NEBL: variants seen among roughly 807,000 people sequenced by gnomAD.
The protein encoded by NEBL is nebulette.
A neutral mutation model predicts 140.2 loss-of-function variants in NEBL; 122 were observed. That is an observed-to-expected ratio of 0.87 (90% confidence interval 0.75 to 1.01). The LOEUF (loss-of-function observed/expected upper bound fraction) is 1.01, where lower values mean the gene tolerates loss of function less well. Ranked by LOEUF, NEBL falls within the 50% of genes least tolerant of loss-of-function variation. NEBL has a pLI of 0.00. For synonymous variants in NEBL, 436 were observed against 398.9 expected, an observed-to-expected ratio of 1.09 and a Z score of -1.11; for missense variants, 1,365 against 1,231.3, an observed-to-expected ratio of 1.11 and a Z score of -1.62.
In NEBL at chr10:20,832,140, A is replaced by T. The variant is rs532313872; in HGVS notation, c.1450-557T>A. On this transcript the variant is annotated intron_variant, in intron 14 of 27. Coordinates refer to ENST00000377122, the MANE Select transcript of NEBL (RefSeq NM_006393.3). ...CACTGGCTCTCTGATTTGCCACTGGACAAGTCAATGTTCCCCACTCCTAAA... is the reference window on the plus strand; with the variant it reads ...CACTGGCTCTCTGATTTGCCACTGGTCAAGTCAATGTTCCCCACTCCTAAA... Among the ~76,000 whole-genome samples, 465 of 152,288 alleles carry T rather than the reference A, an allele frequency of 3.1e-3. 2 individuals are homozygous for T. Among genetic ancestry groups the T allele is most frequent in the African/African-American group, 9.0e-3 (373 of 41,560 alleles).
intron 2 of NEBL, among the ~76,000 whole-genome samples, chr10:21,065,109 C>CA (rs1407405508): frequency 2.0e-5 from 3 of 151,766 alleles, no homozygotes; most frequent in Admixed American, 6.6e-5. Flanking sequence ...GATAGCATTG[C>CA]AAAAAAAGAT....
At chr10:20,975,073 C>T (rs1836733171) in intron 3 of NEBL, among the ~76,000 whole-genome samples, 1 of 152,158 alleles carries the variant, frequency 6.6e-6, no homozygotes, top group Non-Finnish European at 1.5e-5. Context: ...CCTGAACACA[C>T]TAACGGGCTC....
chr10:21,039,767 T>TTTTTCTATTTTATTCTA (rs1405807334), intron 2 of NEBL, among the ~76,000 whole-genome samples: 2 of 152,194 alleles, frequency 1.3e-5, no homozygotes, highest in African/African-American at 2.4e-5. Context: ...GCCCTTTAAC[T>TTTTTCTATTTTATTCTA]TTTTCTATTT....
intron 1 of NEBL, among the ~76,000 whole-genome samples, chr10:21,266,812 G>A (rs1477096536): frequency 6.6e-6 from 1 of 152,054 alleles, no homozygotes; most frequent in Non-Finnish European, 1.5e-5. Flanking sequence ...GAGTCTCACT[G>A]TGTCACTCAG....
At position 21,146,399 on chromosome 10, in the gene NEBL, A is replaced by G. The variant is rs758681083; in HGVS notation, c.164+25984T>C. 5.6e-6 allele frequency: 9 copies of G among 1,606,776 alleles called. 1 individual carries two copies. The South Asian group carries it at 1.0e-4, about 18-fold the overall frequency. On this transcript the variant is annotated intron_variant, in intron 2 of 6. Coordinates refer to the NEBL transcript ENST00000417816. Reference sequence around the variant, plus strand: ...ACAAGAAAAAAATGACTGGTTGATTAGTAAAGCACAAACACTCTCTCTCAT... The same window carrying G: ...ACAAGAAAAAAATGACTGGTTGATTGGTAAAGCACAAACACTCTCTCTCAT...
intron 3 of NEBL, among the ~76,000 whole-genome samples, chr10:21,239,678 T>C (rs1842410911): frequency 6.6e-6 from 1 of 152,122 alleles, no homozygotes; most frequent in Non-Finnish European, 1.5e-5. Flanking sequence ...GCAAATGTGA[T>C]CTTAGCCAGC....
chr10:21,138,306 G>T (rs565861074), intron 2 of NEBL, among the ~76,000 whole-genome samples: 1 of 152,110 alleles, frequency 6.6e-6, no homozygotes, highest in Non-Finnish European at 1.5e-5. Flanking sequence ...GAGGTGGAGC[G>T]GAATGATGGC....
At chr10:21,030,811 T>C (rs961333642) in intron 2 of NEBL, 1 of 357,708 alleles carries the variant, frequency 2.8e-6, no homozygotes, top group African/African-American at 2.1e-5. Context: ...AATACGGAAT[T>C]TGTGACAATG....
At chr10:20,854,633 T>C (rs80050390) in intron 9 of NEBL, among the ~76,000 whole-genome samples, 1 of 145,072 alleles carries the variant, frequency 6.9e-6, no homozygotes, top group Non-Finnish European at 1.5e-5. Flanking sequence ...GGAGGGATCA[T>C]GGCTCACTGC....
intron 27 of NEBL, among the ~76,000 whole-genome samples, chr10:20,786,150 G>A (rs149920825): frequency 1.3e-5 from 2 of 152,188 alleles, no homozygotes; most frequent in East Asian, 1.9e-4. Context: ...CACTAAATAC[G>A]ACAGGTAGCC....
At chr10:20,954,413 G>T (rs966807099) in intron 4 of NEBL, among the ~76,000 whole-genome samples, 1 of 152,228 alleles carries the variant, frequency 6.6e-6, no homozygotes, top group Non-Finnish European at 1.5e-5. Flanking sequence ...ATAGAGTTCA[G>T]TCTGAGGGTA....
chr10:20,995,710 A>G (rs1837641083), intron 3 of NEBL, among the ~76,000 whole-genome samples: 1 of 152,110 alleles, frequency 6.6e-6, no homozygotes, highest in South Asian at 2.1e-4. Flanking sequence ...TAAATTTCCA[A>G]AACCTACTTT....
chr10:20,844,354 T>C (rs2130998858), intron 12 of NEBL, among the ~76,000 whole-genome samples: 1 of 151,180 alleles, frequency 6.6e-6, no homozygotes, highest in African/African-American at 2.4e-5. Flanking sequence ...ACATTCCGTT[T>C]ATATATCATA....
chr10:20,935,922 T>A (rs1332904819), intron 4 of NEBL, among the ~76,000 whole-genome samples: 1 of 152,194 alleles, frequency 6.6e-6, no homozygotes, highest in Non-Finnish European at 1.5e-5. Flanking sequence ...ATTGCAGCAC[T>A]ATTTAATAAA....
chr10:20,792,123 G>GAAAAAAAAAAAAAAAAAAAAAAAAAAAAA (rs11286684), intron 26 of NEBL, among the ~76,000 whole-genome samples: 1 of 106,754 alleles, frequency 9.4e-6, no homozygotes, highest in African/African-American at 3.1e-5. Context: ...ATTCCAAATA[G>GAAAAAAAAAAAAAAAAAAAAAAAAAAAAA]AAAAAAAAAA....
chr10:21,030,843 AG>A, intron 2 of NEBL: 2 of 336,576 alleles, frequency 5.9e-6, no homozygotes, highest in Non-Finnish European at 1.2e-5. Context: ...GTCTCCATGC[AG>A]GGGTGGTATT....
intron 2 of NEBL, among the ~76,000 whole-genome samples, chr10:21,104,814 GA>G (rs1662182304): frequency 6.6e-6 from 1 of 152,100 alleles, no homozygotes; most frequent in Non-Finnish European, 1.5e-5. Flanking sequence ...CATCTCAGGG[GA>G]AAACTTTCTG....
rs894425744 is a variant in NEBL, at chr10:20,784,749, A to C, written c.*998T>G. The stretch of plus-strand genomic sequence containing the variant: ...ATCAAAGCTGTTCAATGGAACACCT[A>C]AATCGCTTATTTACTAGAGTATACA... On this transcript the variant is annotated 3_prime_UTR_variant, in exon 28 of 28. Transcript: ENST00000377122. 5 of 152,214 alleles carry C rather than the reference A, an allele frequency of 3.3e-5. No homozygotes were observed. The highest frequency in any genetic ancestry group is 7.3e-5 in the Non-Finnish European group (5 of 68,038). The allele number at this position is 152,214 out of a possible 1,614,324, so 9.4% of individuals were successfully genotyped here. A position where few individuals can be genotyped will look rare whatever the true frequency, so the allele number is the denominator to read the frequency against.
chr10:21,250,363 C>G (rs2132271998), intron 2 of NEBL, among the ~76,000 whole-genome samples: 1 of 152,312 alleles, frequency 6.6e-6, no homozygotes, highest in African/African-American at 2.4e-5. Flanking sequence ...GCTTCCTGCC[C>G]TGGAACATCA....
Sources: allele counts gnomAD v4.1 joint callset (sites outside exome capture counted in the v4.1 genomes callset), GRCh38; gene constraint gnomAD v4.1.1; transcripts MANE v1.5; gene names NCBI Gene and HGNC (gene_info 2026-07-23, HGNC 2026-07-21).